Variants in PDE4D observed in about 807,000 individuals in gnomAD.
The protein encoded by PDE4D is 3',5'-cyclic-AMP phosphodiesterase 4D.
A neutral mutation model predicts 87.4 loss-of-function variants in PDE4D; 24 were observed. That is an observed-to-expected ratio of 0.27 (90% CI 0.20 to 0.39). The LOEUF is 0.39. Ranked by LOEUF, PDE4D falls within the 10% of genes least tolerant of loss-of-function variation. The probability of loss-of-function intolerance (pLI) is 1.00; values close to 1 mark genes in which losing one functional copy is unlikely to be tolerated. For missense variants in PDE4D, 714 were observed against 1,041.0 expected, an observed-to-expected ratio of 0.69 and a Z score of 4.32; for synonymous variants, 384 against 383.2, an observed-to-expected ratio of 1.00 and a Z score of -0.02.
intron 1 of PDE4D, among the ~76,000 whole-genome samples, chr5:59,578,571 T>C (rs531561973): frequency 6.6e-6 from 1 of 152,262 alleles, no homozygotes; most frequent in East Asian, 1.9e-4. Context: ...TCCAACTTGT[T>C]TGACTGTCTT....
At chr5:59,253,078 C>G (rs868282694) in intron 1 of PDE4D, among the ~76,000 whole-genome samples, 1 of 152,018 alleles carries the variant, frequency 6.6e-6, no homozygotes, top group African/African-American at 2.4e-5. Context: ...GAATCTTGCC[C>G]CCTCTTTTTT....
At chr5:59,488,550 C>T (rs1805580519) in intron 1 of PDE4D, among the ~76,000 whole-genome samples, 1 of 152,126 alleles carries the variant, frequency 6.6e-6, no homozygotes, top group Admixed American at 6.5e-5. Flanking sequence ...GTGTGCATAG[C>T]TGTGCACACT....
chr5:59,420,491 CT>C (rs1794302341), intron 1 of PDE4D, among the ~76,000 whole-genome samples: 2 of 152,244 alleles, frequency 1.3e-5, no homozygotes, highest in East Asian at 3.9e-4. Flanking sequence ...ATCTATCAGC[CT>C]TAGAATTCAA....
intron 2 of PDE4D, among the ~76,000 whole-genome samples, chr5:60,014,595 A>G (rs1436103998): frequency 2.0e-5 from 3 of 152,192 alleles, no homozygotes; most frequent in Non-Finnish European, 4.4e-5. Context: ...TAAAAACGTT[A>G]CTGCACAGGA....
At chr5:59,541,909 A>T (rs1816419832) in intron 1 of PDE4D, among the ~76,000 whole-genome samples, 1 of 152,010 alleles carries the variant, frequency 6.6e-6, no homozygotes, top group African/African-American at 2.4e-5. Flanking sequence ...CTTCTGCATG[A>T]TCTACTCTTC....
intron 1 of PDE4D, among the ~76,000 whole-genome samples, chr5:60,217,492 G>A (rs1380388171): frequency 2.6e-5 from 4 of 151,998 alleles, no homozygotes; most frequent in East Asian, 3.9e-4. Context: ...ATTTTGTGGT[G>A]ACTGGATTTT....
At chr5:59,795,386 G>A (rs1046670673) in intron 1 of PDE4D, among the ~76,000 whole-genome samples, 1 of 152,106 alleles carries the variant, frequency 6.6e-6, no homozygotes, top group African/African-American at 2.4e-5. Flanking sequence ...GGGTCTGTGG[G>A]TTCCCCGGTG....
Position 59,963,477 on chromosome 5 carries a change from G to A in PDE4D, c.272+25011C>T, listed in dbSNP as rs113862119. Among the ~76,000 whole-genome samples, 13 of 152,094 alleles carry A rather than the reference G, an allele frequency of 8.5e-5. 3 individuals are homozygous for A. Among genetic ancestry groups the A allele is most frequent in the African/African-American group, 3.1e-4 (13 of 41,512 alleles). ...CTGCTCTCCTGGCAGTCTATTGAAG[G>A]GAATTTTTACTAGAACACAGTGGCA... On this transcript the variant is annotated intron_variant, in intron 3 of 16. Transcript: ENST00000502484.
At chr5:60,482,892 C>A (rs779483201) in intron 1 of PDE4D, among the ~76,000 whole-genome samples, 12 of 152,038 alleles carry the variant, frequency 7.9e-5, no homozygotes, top group Non-Finnish European at 1.8e-4. Flanking sequence ...AGATAATTGT[C>A]CTAGCTGCAA....
chr5:59,464,910 A>G (rs561488172), intron 1 of PDE4D, among the ~76,000 whole-genome samples: 1 of 152,212 alleles, frequency 6.6e-6, no homozygotes, highest in Non-Finnish European at 1.5e-5. Flanking sequence ...TTTTCAAAAT[A>G]CAAATTTGAA....
intron 2 of PDE4D, among the ~76,000 whole-genome samples, chr5:60,007,580 T>C (rs1381549898): frequency 1.1e-4 from 17 of 152,036 alleles, no homozygotes; most frequent in Non-Finnish European, 2.9e-5. Flanking sequence ...ATACCTACAC[T>C]ACTTTAACTT....
At chr5:59,311,939 C>T (rs1001180470) in intron 1 of PDE4D, among the ~76,000 whole-genome samples, 3 of 152,132 alleles carry the variant, frequency 2.0e-5, no homozygotes, top group African/African-American at 4.8e-5. Context: ...TCTGCTGATT[C>T]CTCTCCAACA....
rs181844794 is a variant in PDE4D, at chr5:60,420,722, G to C, written c.-90+67220C>G. 1.8e-3 allele frequency among the ~76,000 whole-genome samples: 277 copies of C among 152,356 alleles called. 1 individual carries two copies. Among genetic ancestry groups the C allele is most frequent in the African/African-American group, 6.4e-3 (268 of 41,586 alleles). ...TTGGACAGTGGGTGCAGCCCATGGA[G>C]CGGGAGCCAGCGCAGGGTGGGGCAT... On this transcript the variant is annotated intron_variant, in intron 1 of 16. Coordinates refer to the PDE4D transcript ENST00000502484.
Position 59,227,289 on chromosome 5 carries a change from G to A in PDE4D, c.456-11321C>T, listed in dbSNP as rs548550793. On this transcript the variant is annotated intron_variant, in intron 1 of 14. Transcript: ENST00000340635. ...AAAAGCTAAAGGTATAAAAACCCTG[G>A]AAGATAACCAAATAAATACCACTTT... Among the ~76,000 whole-genome samples, 26 of 152,246 alleles carry A rather than the reference G, an allele frequency of 1.7e-4. No homozygotes were observed. The South Asian group carries it at 5.2e-3, about 30-fold the overall frequency.
At chr5:59,162,591 C>T (rs1011057733) in intron 5 of PDE4D, among the ~76,000 whole-genome samples, 5 of 151,582 alleles carry the variant, frequency 3.3e-5, no homozygotes, top group African/African-American at 1.2e-4. Flanking sequence ...GTAATCCCAG[C>T]ACTTTGGGAG....
intron 5 of PDE4D, 119 bp from the exon 6 acceptor site, chr5:59,039,090 T>C: frequency 6.8e-7 from 1 of 1,469,216 alleles, no homozygotes. Context: ...TGCCGGCACA[T>C]GAGGGCTGCT....
Position 60,105,973 on chromosome 5 carries a change from C to T in PDE4D, c.42+79584G>A, listed in dbSNP as rs143706376. On this transcript the variant is annotated intron_variant, in intron 2 of 16. Transcript: ENST00000502484. The stretch of plus-strand genomic sequence containing the variant: ...ACTAATGAGCAAAATAACCAGCTGA[C>T]ATCATAATGACAGGATCAACTTCAC... 4.6e-3 allele frequency among the ~76,000 whole-genome samples: 694 copies of T among 152,280 alleles called. 6 individuals are homozygous for T. The highest frequency in any genetic ancestry group is 0.016 in the African/African-American group (672 of 41,538).
chr5:59,344,136 G>A (rs1779236124), intron 1 of PDE4D, among the ~76,000 whole-genome samples: 1 of 152,080 alleles, frequency 6.6e-6, no homozygotes, highest in South Asian at 2.1e-4. Context: ...AACGTTTTAT[G>A]GGGGAAGAGG....
intron 3 of PDE4D, among the ~76,000 whole-genome samples, chr5:59,911,590 G>A (rs1035721584): frequency 7.2e-5 from 11 of 152,106 alleles, no homozygotes; most frequent in African/African-American, 1.2e-4. Flanking sequence ...ATTGCAATTC[G>A]TTTGTTTTGA....
Sources: allele counts gnomAD v4.1 joint callset (sites outside exome capture counted in the v4.1 genomes callset), GRCh38; gene constraint gnomAD v4.1.1; transcripts MANE v1.5; gene names NCBI Gene and HGNC (gene_info 2026-07-23, HGNC 2026-07-21).